Variants in HIVEP3 observed in about 807,000 individuals in gnomAD.
The protein encoded by HIVEP3 is HIVEP zinc finger 3.
In HIVEP3, 49 loss-of-function variants were observed where a neutral mutation model predicts 152.8. The observed-to-expected ratio is 0.32, with a 90% CI of 0.26 to 0.41. HIVEP3 has a LOEUF of 0.41. Ranked by LOEUF, HIVEP3 falls within the 10% of genes least tolerant of loss-of-function variation. HIVEP3 has a pLI of 1.00. For missense variants in HIVEP3, 2,790 were observed against 3,103.3 expected (o/e 0.90, Z 2.40); for synonymous variants, 1,269 against 1,289.0 (o/e 0.98, Z 0.33).
At position 41,873,003 on chromosome 1, in the gene HIVEP3, T is replaced by C. The variant is rs1397372775; in HGVS notation, c.-801+45410A>G. 6.6e-6 allele frequency among the ~76,000 whole-genome samples: 1 copy of C among 152,174 alleles called. No individual in the cohort carries two copies. Among genetic ancestry groups the C allele is most frequent in the African/African-American group, 2.4e-5 (1 of 41,422 alleles). On this transcript the variant is annotated intron_variant, in intron 1 of 8. Transcript: ENST00000372583. This position sits in a 1 kb window ranked among gnomAD's most constrained non-coding sequence, Gnocchi z 4.2. ...CTGAATAACAGAAATGATCAACTGA[T>C]TTACTATTAAAGGACTTACTGGATT...
intron 1 of HIVEP3, among the ~76,000 whole-genome samples, chr1:41,703,686 T>TA (rs1217540095): frequency 6.6e-6 from 1 of 152,192 alleles, no homozygotes; most frequent in East Asian, 1.9e-4. Flanking sequence ...ACCCAACACA[T>TA]AAAAAATCCC....
chr1:41,833,450 G>A (rs1643024042), intron 1 of HIVEP3, among the ~76,000 whole-genome samples: 1 of 152,096 alleles, frequency 6.6e-6, no homozygotes, highest in Non-Finnish European at 1.5e-5. Context: ...GTAAGAGGTT[G>A]ATACTGTTCC....
At chr1:41,527,564 C>A (rs1168730033) in intron 5 of HIVEP3, among the ~76,000 whole-genome samples, 3 of 140,244 alleles carry the variant, frequency 2.1e-5, no homozygotes, top group Non-Finnish European at 4.7e-5. Context: ...CCCTCACACT[C>A]TTTCACACTC....
At chr1:41,936,246 G>GA (rs1409947633) in intron 1 of HIVEP3, among the ~76,000 whole-genome samples, 2 of 152,128 alleles carry the variant, frequency 1.3e-5, no homozygotes, top group African/African-American at 4.8e-5. Flanking sequence ...GATGCACACA[G>GA]AAAATCAATC....
intron 2 of HIVEP3, among the ~76,000 whole-genome samples, chr1:41,678,301 C>T (rs947829311): frequency 2.0e-5 from 3 of 152,186 alleles, no homozygotes; most frequent in Non-Finnish European, 4.4e-5. Flanking sequence ...CTGATTGCGA[C>T]AATGCATTAG....
chr1:41,663,051 C>CCTTCTGGTAAAGGCAGCTTTACCTT (rs1645743527), intron 2 of HIVEP3, among the ~76,000 whole-genome samples: 1 of 152,244 alleles, frequency 6.6e-6, no homozygotes, highest in Non-Finnish European at 1.5e-5. Flanking sequence ...CCAGAAGCTG[C>CCTTCTGGTAAAGGCAGCTTTACCTT]TGGATCTCGG....
intron 2 of HIVEP3, among the ~76,000 whole-genome samples, chr1:41,697,046 C>T (rs1646287378): frequency 6.6e-6 from 1 of 152,146 alleles, no homozygotes; most frequent in African/African-American, 2.4e-5. Flanking sequence ...TCTCCAACCC[C>T]GCGTTGCACA....
At chr1:42,015,435 T>C (rs1407537813) in intron 1 of HIVEP3, among the ~76,000 whole-genome samples, 2 of 152,220 alleles carry the variant, frequency 1.3e-5, no homozygotes, top group African/African-American at 4.8e-5. Context: ...GCCAGACCTG[T>C]GAGGGGTTTG....
intron 5 of HIVEP3, among the ~76,000 whole-genome samples, chr1:41,527,174 A>ACACCCACT (rs1642988241): frequency 9.5e-6 from 1 of 105,408 alleles, no homozygotes; most frequent in Non-Finnish European, 1.9e-5. Flanking sequence ...ACACACCCAC[A>ACACCCACT]CACCCACTCA....
intron 7 of HIVEP3, 54 bp downstream of exon 7, chr1:41,518,348 G>A (rs983409377): frequency 2.1e-6 from 3 of 1,463,186 alleles, no homozygotes; most frequent in African/African-American, 2.8e-5. Context: ...AGGTGGAGGA[G>A]GATAGGGAAA....
At chr1:41,827,752 A>AT (rs1279236969) in intron 1 of HIVEP3, among the ~76,000 whole-genome samples, 9 of 152,046 alleles carry the variant, frequency 5.9e-5, no homozygotes, top group Non-Finnish European at 5.9e-5. Flanking sequence ...CATGAAGAAG[A>AT]TTTTTTTTCA....
At chr1:41,688,923 C>A (rs1016087825) in intron 2 of HIVEP3, among the ~76,000 whole-genome samples, 2 of 152,138 alleles carry the variant, frequency 1.3e-5, no homozygotes, top group African/African-American at 4.8e-5. Context: ...CCTCTCTGCT[C>A]AAGCTCACCT....
At chr1:41,517,499 C>T (rs1189429780) in intron 7 of HIVEP3, among the ~76,000 whole-genome samples, 1 of 152,226 alleles carries the variant, frequency 6.6e-6, no homozygotes, top group Non-Finnish European at 1.5e-5. Context: ...TGTAAGACCA[C>T]AAATACATCC....
At chr1:41,517,473 T>C (rs1642641143) in intron 7 of HIVEP3, among the ~76,000 whole-genome samples, 1 of 152,232 alleles carries the variant, frequency 6.6e-6, no homozygotes, top group African/African-American at 2.4e-5. Context: ...AAAGGAAATA[T>C]GACTTAACTC....
intron 1 of HIVEP3, among the ~76,000 whole-genome samples, chr1:41,977,566 A>G (rs887767810): frequency 2.0e-5 from 3 of 152,210 alleles, no homozygotes; most frequent in Non-Finnish European, 2.9e-5. Flanking sequence ...AAACCTGAGC[A>G]TGAAAGAGGA....
intron 2 of HIVEP3, among the ~76,000 whole-genome samples, chr1:41,686,394 C>G (rs138379972): frequency 2.6e-5 from 4 of 152,106 alleles, no homozygotes; most frequent in Non-Finnish European, 5.9e-5. Context: ...TTTTCAAAGT[C>G]ACCACTTAAG....
Position 41,580,451 on chromosome 1 carries a change from T to C in HIVEP3, c.4347A>G (p.Arg1449=). Reference sequence around the variant, plus strand: ...CCTTGGAAGCCTCCTCCTCCTTCACTCTTTTTTGCTGCTGGGTTTCCATGG... The same window carrying C: ...CCTTGGAAGCCTCCTCCTCCTTCACCCTTTTTTGCTGCTGGGTTTCCATGG... ...ELTMETQQQK[R]VKEEEASKAD... The change falls in exon 4 of 9, where the codon AGA becomes AGG. Residue 1449 remains arginine, a synonymous_variant. Transcript: ENST00000372583. 5 of 1,614,218 alleles carry C rather than the reference T, an allele frequency of 3.1e-6. No homozygotes were observed. Among genetic ancestry groups the C allele is most frequent in the Non-Finnish European group, 4.2e-6 (5 of 1,180,038 alleles).
At chr1:41,802,324 T>C (rs1650356770) in intron 1 of HIVEP3, among the ~76,000 whole-genome samples, 1 of 152,128 alleles carries the variant, frequency 6.6e-6, no homozygotes, top group African/African-American at 2.4e-5. Flanking sequence ...CAAGAGATCC[T>C]CCCGACTCAG....
intron 1 of HIVEP3, among the ~76,000 whole-genome samples, chr1:41,750,709 T>TA (rs1361648288): frequency 6.6e-6 from 1 of 151,624 alleles, no homozygotes; most frequent in African/African-American, 2.4e-5. Context: ...TGCACTTTTT[T>TA]TTTTTTTTGA....
Sources: allele counts gnomAD v4.1 joint callset (sites outside exome capture counted in the v4.1 genomes callset), GRCh38; gene constraint gnomAD v4.1.1; non-coding constraint Gnocchi (gnomAD v3.1); transcripts MANE v1.5; gene names NCBI Gene and HGNC (gene_info 2026-07-23, HGNC 2026-07-21).